Variants in CNOT6L observed in about 807,000 individuals in gnomAD.
CNOT6L encodes CCR4-NOT transcription complex subunit 6 like.
CNOT6L carries 7 observed loss-of-function variants against 64.0 expected under a neutral mutation model. The ratio of observed to expected loss-of-function variants is 0.11; its 90% CI spans 0.06 to 0.21. The LOEUF (loss-of-function observed/expected upper bound fraction) is 0.21. Ranked by LOEUF, CNOT6L falls within the 10% of genes least tolerant of loss-of-function variation. The pLI, the probability that CNOT6L is intolerant of heterozygous loss-of-function variation, is 1.00. For synonymous variants in CNOT6L, 193 were observed against 243.4 expected, an observed-to-expected ratio of 0.79 and a Z score of 1.93; for missense variants, 245 against 669.0, an observed-to-expected ratio of 0.37 and a Z score of 6.99.
At position 77,745,002 on chromosome 4, in the gene CNOT6L, T is replaced by C. The variant is rs563204222; in HGVS notation, c.560-127A>G. The C allele has an allele frequency of 3.1e-4, 187 of 610,284 alleles. 4 individuals are homozygous for C. The South Asian group carries it at 7.1e-3, about 23-fold the overall frequency. 37.8% of individuals were successfully genotyped at this position (610,284 alleles called of 1,614,324 possible). ...CCACATATCATCATTGTAAAATGCC[T>C]AGGCAAGATAAAGATTGCTAATCTA... is the stretch of plus-strand genomic sequence containing the variant. On this transcript the variant is annotated intron_variant, in intron 6 of 11. Transcript: ENST00000504123.
intron 3 of CNOT6L, among the ~76,000 whole-genome samples, chr4:77,773,980 G>T (rs1011706787): frequency 6.6e-6 from 1 of 152,034 alleles, no homozygotes; most frequent in African/African-American, 2.4e-5. Context: ...GTTTAAACAC[G>T]TGATAGCAAT....
intron 1 of CNOT6L, among the ~76,000 whole-genome samples, chr4:77,800,987 C>G (rs184590155): frequency 1.3e-5 from 2 of 152,296 alleles, no homozygotes; most frequent in Admixed American, 1.3e-4. Flanking sequence ...AGTATCCACT[C>G]TACTCATATA....
intron 1 of CNOT6L, among the ~76,000 whole-genome samples, chr4:77,777,051 C>T (rs1428807948): frequency 1.3e-5 from 2 of 152,216 alleles, no homozygotes; most frequent in Non-Finnish European, 2.9e-5. Flanking sequence ...CACCCAAATA[C>T]TGGCCTTTTC....
At chr4:77,802,650 C>A (rs1004835390) in intron 1 of CNOT6L, among the ~76,000 whole-genome samples, 25 of 152,164 alleles carry the variant, frequency 1.6e-4, no homozygotes, top group Non-Finnish European at 3.1e-4. Flanking sequence ...GCACTGAACA[C>A]CCAGTATGTG....
chr4:77,818,296 C>T (rs1733796725), intron 1 of CNOT6L, among the ~76,000 whole-genome samples: 1 of 152,174 alleles, frequency 6.6e-6, no homozygotes, highest in Non-Finnish European at 1.5e-5. Context: ...TCTTCCTCAC[C>T]CAGCTCCTCA....
At chr4:77,735,783 A>G (rs1317052538) in intron 8 of CNOT6L, among the ~76,000 whole-genome samples, 3 of 152,196 alleles carry the variant, frequency 2.0e-5, no homozygotes, top group Admixed American at 6.5e-5. Context: ...TGTTATTTAC[A>G]GTGCATAATG....
intron 5 of CNOT6L, among the ~76,000 whole-genome samples, chr4:77,751,987 C>T (rs1305044858): frequency 2.0e-5 from 3 of 152,088 alleles, no homozygotes; most frequent in African/African-American, 2.4e-5. Flanking sequence ...GCCTGGCCAA[C>T]ATAGTGAGAT....
At position 77,718,010 on chromosome 4, in the gene CNOT6L, A is replaced by AACTT. The variant is rs1213990548; in HGVS notation, c.*2417_*2420dup. ...GAGTGCCTCGATCATACACAAAATA[A>AACTT]ACTTAAGCTGTTTACAATGTTTCCC... On this transcript the variant is annotated 3_prime_UTR_variant, in exon 12 of 12. Coordinates refer to ENST00000504123, the MANE Select transcript of CNOT6L (RefSeq NM_144571.3). 3 of 149,360 alleles carry AACTT rather than the reference A, an allele frequency of 2.0e-5. No homozygotes were observed. The highest frequency in any genetic ancestry group is 4.3e-4 in the South Asian group (2 of 4,658). 9.3% of individuals were successfully genotyped at this position (149,360 alleles called of 1,614,324 possible). A position where few individuals can be genotyped will look rare whatever the true frequency, so the allele number is the denominator to read the frequency against.
At chr4:77,727,314 A>G (rs1188009451) in intron 10 of CNOT6L, among the ~76,000 whole-genome samples, 1 of 152,020 alleles carries the variant, frequency 6.6e-6, no homozygotes, top group African/African-American at 2.4e-5. Flanking sequence ...AAAACTCCCA[A>G]CACTTTGAGA....
At chr4:77,778,175 G>C (rs925024322) in intron 1 of CNOT6L, among the ~76,000 whole-genome samples, 3 of 152,116 alleles carry the variant, frequency 2.0e-5, no homozygotes, top group African/African-American at 2.4e-5. Flanking sequence ...TGAAAATAAA[G>C]TTTTTAGGTA....
intron 1 of CNOT6L, among the ~76,000 whole-genome samples, chr4:77,791,001 G>A (rs1383334196): frequency 6.6e-6 from 1 of 151,924 alleles, no homozygotes; most frequent in Non-Finnish European, 1.5e-5. Flanking sequence ...TTGTTAGCCA[G>A]GTGCGGTGGC....
chr4:77,798,835 A>T (rs991809185), intron 1 of CNOT6L, among the ~76,000 whole-genome samples: 2 of 140,266 alleles, frequency 1.4e-5, no homozygotes, highest in Admixed American at 7.3e-5. Flanking sequence ...AAAAAAAAAT[A>T]GCCAGGCATG....
chr4:77,797,835 T>C (rs1731042323), intron 1 of CNOT6L, among the ~76,000 whole-genome samples: 1 of 152,194 alleles, frequency 6.6e-6, no homozygotes, highest in Admixed American at 6.5e-5. Flanking sequence ...AGGGTGGGAC[T>C]ACTCTATGTT....
chr4:77,808,820 G>A (rs1732566610), intron 1 of CNOT6L, among the ~76,000 whole-genome samples: 1 of 152,052 alleles, frequency 6.6e-6, no homozygotes, highest in Admixed American at 6.5e-5. Flanking sequence ...AGCACTTAAT[G>A]TTAGTCACTT....
intron 1 of CNOT6L, among the ~76,000 whole-genome samples, chr4:77,797,146 G>A (rs1730957032): frequency 7.0e-6 from 1 of 142,344 alleles, no homozygotes; most frequent in Admixed American, 7.2e-5. Context: ...ATATTCACTG[G>A]GGAGGATAAT....
intron 4 of CNOT6L, among the ~76,000 whole-genome samples, chr4:77,768,597 G>A (rs1299354963): frequency 1.3e-5 from 2 of 149,282 alleles, no homozygotes; most frequent in Non-Finnish European, 3.0e-5. Context: ...ACGCAAAATA[G>A]AAAAAAGAAC....
chr4:77,733,459 T>C lies in CNOT6L; in HGVS notation c.873-1921A>G, dbSNP rs202047098. On this transcript the variant is annotated intron_variant, in intron 8 of 11. Transcript: ENST00000504123. ...ATTTCCAAAATGTTAAAACTTGTAT[T>C]TGAAACATGTGAGTGAACATGTTAT... Among the ~76,000 whole-genome samples, 4 of 152,112 alleles carry C rather than the reference T, an allele frequency of 2.6e-5. No homozygotes were observed. In the East Asian group the frequency reaches 7.7e-4, roughly 29 times the overall value.
intron 8 of CNOT6L, among the ~76,000 whole-genome samples, chr4:77,733,475 A>T (rs1010218961): frequency 1.3e-5 from 2 of 152,128 alleles, no homozygotes; most frequent in African/African-American, 4.8e-5. Flanking sequence ...CATGTGAGTG[A>T]ACATGTTATT....
intron 1 of CNOT6L, among the ~76,000 whole-genome samples, chr4:77,781,379 A>ATGTATTTTAGGGGGTTTT (rs1728838901): frequency 6.6e-6 from 1 of 152,212 alleles, no homozygotes; most frequent in East Asian, 1.9e-4. Context: ...AAAATATTTA[A>ATGTATTTTAGGGGGTTTT]TGTATTTTAG....
Sources: gnomAD v4.1 joint callset for allele counts (sites outside exome capture counted in the v4.1 genomes callset) on GRCh38, gnomAD v4.1.1 for gene constraint, MANE v1.5 for transcripts, NCBI Gene and HGNC (gene_info 2026-07-23, HGNC 2026-07-21) for gene names.